The following GALNTL6 variants were observed in gnomAD, a reference collection of about 807,000 sequenced individuals.
GALNTL6 encodes the protein polypeptide N-acetylgalactosaminyltransferase like 6.
A neutral mutation model predicts 73.7 loss-of-function variants in GALNTL6; 46 were observed. The ratio of observed to expected loss-of-function variants is 0.62; its 90% CI spans 0.49 to 0.80. The LOEUF (loss-of-function observed/expected upper bound fraction) is 0.80, where lower values mean the gene tolerates loss of function less well. Ranked by LOEUF, GALNTL6 falls within the 30% of genes least tolerant of loss-of-function variation. The pLI, the probability that GALNTL6 is intolerant of heterozygous loss-of-function variation, is 0.00. For synonymous variants in GALNTL6, 259 were observed against 263.7 expected (o/e 0.98, Z 0.17); for missense variants, 604 against 755.0 (o/e 0.80, Z 2.34).
intron 5 of GALNTL6, among the ~76,000 whole-genome samples, chr4:172,614,975 A>G (rs754202062): frequency 3.2e-4 from 48 of 152,174 alleles, no homozygotes; most frequent in Non-Finnish European, 5.6e-4. Flanking sequence ...CCAAATTGCA[A>G]ATGAGAAGTT....
intron 5 of GALNTL6, among the ~76,000 whole-genome samples, chr4:172,378,325 T>A (rs1376637488): frequency 6.6e-6 from 1 of 152,192 alleles, no homozygotes; most frequent in Non-Finnish European, 1.5e-5. Context: ...AGGACCTTGC[T>A]TCAGCCTCTA....
intron 3 of GALNTL6, among the ~76,000 whole-genome samples, chr4:172,280,074 TA>T (rs1738987901): frequency 6.6e-6 from 1 of 152,186 alleles, no homozygotes; most frequent in Admixed American, 6.5e-5. Context: ...TGTCAGGTAC[TA>T]GGGGAGAAAG....
intron 10 of GALNTL6, among the ~76,000 whole-genome samples, chr4:173,001,119 A>T (rs990506417): frequency 2.0e-5 from 3 of 152,188 alleles, no homozygotes; most frequent in Non-Finnish European, 2.9e-5. Flanking sequence ...GCCAAGGAAC[A>T]TCAAAGATTG....
chr4:172,102,518 T>C (rs905008902), intron 2 of GALNTL6, among the ~76,000 whole-genome samples: 1 of 152,132 alleles, frequency 6.6e-6, no homozygotes, highest in Non-Finnish European at 1.5e-5. Flanking sequence ...CTGAGAGTAG[T>C]TGGCTCACAG....
chr4:172,411,905 G>C (rs335983), intron 5 of GALNTL6, among the ~76,000 whole-genome samples: 1 of 151,940 alleles, frequency 6.6e-6, no homozygotes, highest in East Asian at 1.9e-4. Flanking sequence ...TATTCTGGGG[G>C]GAAAATAGAA....
intron 5 of GALNTL6, among the ~76,000 whole-genome samples, chr4:172,585,645 C>T (rs964643940): frequency 4.6e-5 from 7 of 152,060 alleles, no homozygotes; most frequent in African/African-American, 1.2e-4. Context: ...TTTTCTTTAT[C>T]CAGTCTATCA....
At chr4:171,973,116 C>T (rs1739619727) in intron 2 of GALNTL6, among the ~76,000 whole-genome samples, 1 of 152,142 alleles carries the variant, frequency 6.6e-6, no homozygotes, top group African/African-American at 2.4e-5. Context: ...AGCTGACCCA[C>T]TTCACATTTT....
intron 5 of GALNTL6, among the ~76,000 whole-genome samples, chr4:172,802,826 C>T (rs1579502405): frequency 6.7e-6 from 1 of 150,176 alleles, no homozygotes; most frequent in Non-Finnish European, 1.5e-5. Context: ...ACAACAACAA[C>T]AACAAAAACG....
chr4:172,834,374 T>C (rs1349692849), intron 7 of GALNTL6, among the ~76,000 whole-genome samples: 1 of 152,146 alleles, frequency 6.6e-6, no homozygotes, highest in Non-Finnish European at 1.5e-5. Flanking sequence ...GGCTGGAGTA[T>C]GGATGGCGTT....
intron 2 of GALNTL6, among the ~76,000 whole-genome samples, chr4:172,156,540 A>AGTAT (rs58197299): frequency 2.3e-4 from 29 of 125,146 alleles, no homozygotes; most frequent in African/African-American, 8.9e-4. Flanking sequence ...ATATATATAT[A>AGTAT]ATATATATAT....
At chr4:171,989,286 G>A (rs1257730693) in intron 2 of GALNTL6, among the ~76,000 whole-genome samples, 25 of 152,218 alleles carry the variant, frequency 1.6e-4, no homozygotes, top group Admixed American at 1.6e-3. Context: ...ATCCGGCAGT[G>A]TCAGTCTTCA....
intron 2 of GALNTL6, among the ~76,000 whole-genome samples, chr4:171,993,910 T>G (rs1740411900): frequency 6.6e-6 from 1 of 151,738 alleles, no homozygotes; most frequent in African/African-American, 2.4e-5. Flanking sequence ...ACTAAAATAC[T>G]TTTATGACAG....
At chr4:171,964,206 A>G (rs1283064007) in intron 2 of GALNTL6, among the ~76,000 whole-genome samples, 1 of 150,228 alleles carries the variant, frequency 6.7e-6, no homozygotes, top group Non-Finnish European at 1.5e-5. Flanking sequence ...CAGGAGTCCT[A>G]TGTTTTCTGC....
intron 5 of GALNTL6, among the ~76,000 whole-genome samples, chr4:172,690,161 C>A (rs182748912): frequency 2.5e-4 from 38 of 152,134 alleles, no homozygotes; most frequent in Non-Finnish European, 4.0e-4. Context: ...CACTCAATTC[C>A]ATGGATTTAA....
chr4:172,280,885 G>A (rs983753443), intron 3 of GALNTL6, among the ~76,000 whole-genome samples: 3 of 151,788 alleles, frequency 2.0e-5, no homozygotes, highest in South Asian at 2.1e-4. Flanking sequence ...ATTCTGGCCC[G>A]CACGGTGGCT....
intron 9 of GALNTL6, 132 bp from the exon 10 acceptor site, chr4:172,951,905 A>G: frequency 3.1e-6 from 2 of 654,274 alleles, no homozygotes; most frequent in Non-Finnish European, 5.3e-6. Context: ...CTCATTGTTC[A>G]TAAACCACCA....
At chr4:172,933,510 T>C (rs1235514408) in intron 9 of GALNTL6, among the ~76,000 whole-genome samples, 7 of 152,186 alleles carry the variant, frequency 4.6e-5, no homozygotes, top group African/African-American at 1.4e-4. Flanking sequence ...TCCATAATTC[T>C]GAATTTTAAT....
intron 5 of GALNTL6, among the ~76,000 whole-genome samples, chr4:172,683,526 C>T (rs563294726): frequency 3.3e-5 from 5 of 152,234 alleles, no homozygotes; most frequent in Admixed American, 2.6e-4. Flanking sequence ...TGAAAAAGGA[C>T]TTGTATTTAT....
chr4:171,830,077 G>C (rs886364707), intron 2 of GALNTL6, among the ~76,000 whole-genome samples: 2 of 152,054 alleles, frequency 1.3e-5, no homozygotes, highest in African/African-American at 4.8e-5. Flanking sequence ...TGGTAAGTCA[G>C]ATAGATACCA....
Sources: allele counts gnomAD v4.1 joint callset (sites outside exome capture counted in the v4.1 genomes callset), GRCh38; gene constraint gnomAD v4.1.1; transcripts MANE v1.5; gene names NCBI Gene and HGNC (gene_info 2026-07-23, HGNC 2026-07-21).